ATM: variants seen among roughly 807,000 people sequenced by gnomAD.
ATM encodes the protein serine-protein kinase ATM.
In ATM, 308 loss-of-function variants were observed where a neutral mutation model predicts 387.0. The ratio of observed to expected loss-of-function variants is 0.80; its 90% confidence interval spans 0.73 to 0.87. The LOEUF (loss-of-function observed/expected upper bound fraction) is 0.87, where lower values mean the gene tolerates loss of function less well. ATM is among the 40% of genes least tolerant of loss of function. The probability of loss-of-function intolerance (pLI) is 0.00; values close to 1 mark genes in which losing one functional copy is unlikely to be tolerated. For synonymous variants in ATM, 1,156 were observed against 1,187.3 expected (o/e 0.97, Z 0.54); for missense variants, 3,312 against 3,560.9 (o/e 0.93, Z 1.78).
At chr11:108,308,147 C>G in intron 38 of ATM, 163 bp downstream of exon 38, 1 of 721,512 alleles carries the variant, frequency 1.4e-6, no homozygotes, top group Non-Finnish European at 2.4e-6. Flanking sequence ...TTCAGGATAG[C>G]AGTTTGGTTA....
rs12278194 is a variant in ATM, at chr11:108,342,953, T to C, written c.8269-269T>C. 7.1e-3 allele frequency among the ~76,000 whole-genome samples: 1,085 copies of C among 152,296 alleles called. 10 individuals are homozygous for C. The highest frequency in any genetic ancestry group is 0.024 in the African/African-American group (989 of 41,566). On this transcript the variant is annotated intron_variant, in intron 56 of 62. Transcript: ENST00000675843. ...GATTAATGACAGATGACGGTGAGTA[T>C]AGTTAACAGGAGTGACCTCTCAGAG...
At chr11:108,354,070 A>AACAGACAC (rs547465535) in intron 60 of ATM, among the ~76,000 whole-genome samples, 190 bp downstream of exon 60, 1 of 114,832 alleles carries the variant, frequency 8.7e-6, no homozygotes, top group African/African-American at 3.0e-5. Context: ...CACACACACA[A>AACAGACAC]ACACACACAC....
intron 61 of ATM, among the ~76,000 whole-genome samples, chr11:108,359,796 AGT>A (rs1348413038): frequency 6.6e-6 from 1 of 152,178 alleles, no homozygotes; most frequent in African/African-American, 2.4e-5. Context: ...CATTCAAAGC[AGT>A]GTGTAGAGGG....
Position 108,308,011 on chromosome 11 carries a change from G to A in ATM, c.5762+27G>A, listed in dbSNP as rs3218686. 11,044 of 1,570,398 alleles carry A rather than the reference G, an allele frequency of 7.0e-3. 54 individuals carry two copies. The highest frequency in any genetic ancestry group is 8.9e-3 in the Non-Finnish European group (10,188 of 1,140,884). ...TAATGTAATGAGTGTTGCTTCTTAC[G>A]TTTAGGATCTAGAGTGTAACTTGTT... On this transcript the variant is annotated intron_variant, in intron 38 of 62. Coordinates refer to ENST00000675843, the MANE Select transcript of ATM (RefSeq NM_000051.4).
At chr11:108,364,984 A>C (rs1189315716) in intron 61 of ATM, 98 bp from the exon 62 acceptor site, 2 of 1,404,112 alleles carry the variant, frequency 1.4e-6, no homozygotes, top group Non-Finnish European at 9.9e-7. Flanking sequence ...ATCAACTACC[A>C]TGTGACTGGC....
At chr11:108,306,354 T>C (rs1010329107) in intron 37 of ATM, among the ~76,000 whole-genome samples, 1 of 152,318 alleles carries the variant, frequency 6.6e-6, no homozygotes, top group African/African-American at 2.4e-5. Flanking sequence ...AGAGGCTTTG[T>C]AAACTATCTA....
Position 108,343,510 on chromosome 11 carries a change from CTCA to C in ATM, c.8418+143_8418+145del, listed in dbSNP as rs1037996872. The C allele has an allele frequency of 2.0e-5, 21 of 1,024,800 alleles. No individual in the cohort carries two copies. In the African/African-American group the frequency reaches 2.6e-4, roughly 13 times the overall value. 63.5% of individuals were successfully genotyped at this position (1,024,800 alleles called of 1,614,324 possible). On this transcript the variant is annotated intron_variant, in intron 57 of 62. Coordinates refer to ENST00000675843, the MANE Select transcript of ATM (RefSeq NM_000051.4). ...TCAAAGATACTAAGTAAAAGAAAAACTCATCAGAATGAAAGTGTGTGAGTGAAA... is the reference window on the plus strand; with the variant it reads ...TCAAAGATACTAAGTAAAAGAAAAACTCAGAATGAAAGTGTGTGAGTGAAA...
intron 57 of ATM, among the ~76,000 whole-genome samples, chr11:108,344,033 A>G (rs1379352705): frequency 6.6e-6 from 1 of 152,218 alleles, no homozygotes; most frequent in Non-Finnish European, 1.5e-5. Flanking sequence ...TGAGAAGTTC[A>G]GAGAACTTGC....
chr11:108,331,192 C>G (rs1215204652), intron 50 of ATM: 3 of 1,185,426 alleles, frequency 2.5e-6, no homozygotes, highest in Non-Finnish European at 3.1e-6. Context: ...ATAAACAGTA[C>G]CAAGTATTCT....
At chr11:108,299,076 AG>A (rs1230004666) in intron 33 of ATM, among the ~76,000 whole-genome samples, 6 of 152,232 alleles carry the variant, frequency 3.9e-5, no homozygotes, top group African/African-American at 7.2e-5. Flanking sequence ...ACCCTTTGAA[AG>A]AAGGGCTCTC....
intron 61 of ATM, among the ~76,000 whole-genome samples, chr11:108,361,939 T>A (rs1187012099): frequency 1.2e-4 from 17 of 142,796 alleles, no homozygotes; most frequent in Non-Finnish European, 2.3e-4. Context: ...AAAGCCAAAA[T>A]TGACAAATGG....
chr11:108,252,148 T>A, intron 11 of ATM, 117 bp downstream of exon 11: 1 of 853,664 alleles, frequency 1.2e-6, no homozygotes, highest in Non-Finnish European at 1.8e-6. Flanking sequence ...TTCCCAGATC[T>A]AACCTTAATT....
At chr11:108,243,925 T>C (rs1228511795) in intron 5 of ATM, 28 bp from the exon 6 acceptor site, 8 of 1,499,002 alleles carry the variant, frequency 5.3e-6, no homozygotes, top group Non-Finnish European at 7.2e-6. Context: ...TAAAAAATCA[T>C]GACTAATAAT....
At chr11:108,339,903 G>T (rs2087317189) in intron 56 of ATM, among the ~76,000 whole-genome samples, 2 of 152,072 alleles carry the variant, frequency 1.3e-5, no homozygotes, top group Admixed American at 1.3e-4. Flanking sequence ...TATTAGGCAG[G>T]AAGGGAAATC....
chr11:108,320,166 T>TA (rs2085099328), intron 44 of ATM, 108 bp downstream of exon 44: 3 of 843,012 alleles, frequency 3.6e-6, no homozygotes, highest in Middle Eastern at 3.4e-4. Flanking sequence ...GATGAAGAGA[T>TA]AAAGACTTGG....
rs1591637198 is a variant in ATM, at chr11:108,281,176, T to C, written c.3576+8T>C. ...CCTCACCTTGTGAAAAAGGTATATATGGATGAGTATTTTATTAGAAGCTTC... is the reference window on the plus strand; with the variant it reads ...CCTCACCTTGTGAAAAAGGTATATACGGATGAGTATTTTATTAGAAGCTTC... On this transcript the variant is annotated splice_region_variant and intron_variant, in intron 24 of 62. Coordinates refer to ENST00000675843, the MANE Select transcript of ATM (RefSeq NM_000051.4). 1.2e-6 allele frequency: 2 copies of C among 1,612,836 alleles called. No individual in the cohort carries two copies. The highest frequency in any genetic ancestry group is 1.7e-6 in the Non-Finnish European group (2 of 1,178,924).
intron 22 of ATM, among the ~76,000 whole-genome samples, chr11:108,278,348 C>G (rs916534806): frequency 2.0e-5 from 3 of 151,984 alleles, no homozygotes; most frequent in Non-Finnish European, 4.4e-5. Flanking sequence ...GTATGCTGAA[C>G]TTTAAGGACT....
intron 18 of ATM, among the ~76,000 whole-genome samples, chr11:108,269,232 G>A (rs1421742117): frequency 6.6e-6 from 1 of 152,134 alleles, no homozygotes; most frequent in Non-Finnish European, 1.5e-5. Context: ...TTGCATTTAG[G>A]TGTGTAGTCT....
intron 15 of ATM, 105 bp from the exon 16 acceptor site, chr11:108,258,881 T>C (rs2080683718): frequency 1.1e-6 from 1 of 884,262 alleles, no homozygotes. Context: ...GCCCTAATAG[T>C]AAACTATTTA....
Sources: gnomAD v4.1 joint callset for allele counts (sites outside exome capture counted in the v4.1 genomes callset) on GRCh38, gnomAD v4.1.1 for gene constraint, MANE v1.5 for transcripts, NCBI Gene and HGNC (gene_info 2026-07-23, HGNC 2026-07-21) for gene names.